Variants in PTPRA observed in about 807,000 individuals in gnomAD.
PTPRA encodes protein tyrosine phosphatase receptor type A.
In PTPRA, 25 loss-of-function variants were observed where a neutral mutation model predicts 104.8. That is an observed-to-expected ratio of 0.24 (90% CI 0.17 to 0.33). PTPRA has a LOEUF of 0.33. Among genes scored for constraint, PTPRA ranks in the 10% least tolerant of loss-of-function variants. The probability of loss-of-function intolerance (pLI) is 1.00; values close to 1 mark genes in which losing one functional copy is unlikely to be tolerated. For synonymous variants in PTPRA, 323 were observed against 368.9 expected (o/e 0.88, Z 1.43); for missense variants, 765 against 1,015.3 (o/e 0.75, Z 3.35).
chr20:3,019,175 CGG>C (rs2064681418), intron 13 of PTPRA, among the ~76,000 whole-genome samples: 2 of 146,446 alleles, frequency 1.4e-5, no homozygotes, highest in African/African-American at 5.2e-5. Context: ...ACCTCCCTCC[CGG>C]ACGGGGCGGC....
intron 6 of PTPRA, among the ~76,000 whole-genome samples, chr20:2,981,533 A>G (rs1223193692): frequency 6.6e-6 from 1 of 152,218 alleles, no homozygotes; most frequent in Non-Finnish European, 1.5e-5. Context: ...ATAACAGAGA[A>G]TTGTATAGCC....
At chr20:2,932,481 A>G (rs1279392027) in intron 2 of PTPRA, among the ~76,000 whole-genome samples, 1 of 152,232 alleles carries the variant, frequency 6.6e-6, no homozygotes, top group Non-Finnish European at 1.5e-5. Context: ...GGAAAAATGG[A>G]AAGTACCAGA....
rs2061312033 is a variant in PTPRA, at chr20:2,950,409, C to T, written c.-7+2385C>T. On this transcript the variant is annotated intron_variant, in intron 3 of 23. Coordinates refer to ENST00000399903, the MANE Select transcript of PTPRA (RefSeq NM_001385305.1). This position sits in a 1 kb window ranked among gnomAD's most constrained non-coding sequence, Gnocchi z 4.0. ...ATCCCAGCACTTTGGGAGGCCGAGGCGGGCGGATCACGAGGTCAAGAGATC... is the reference window on the plus strand; with the variant it reads ...ATCCCAGCACTTTGGGAGGCCGAGGTGGGCGGATCACGAGGTCAAGAGATC... 6.6e-6 allele frequency among the ~76,000 whole-genome samples: 1 copy of T among 151,612 alleles called. No homozygotes were observed. Among genetic ancestry groups the T allele is most frequent in the African/African-American group, 2.4e-5 (1 of 41,240 alleles).
At chr20:2,960,297 C>T (rs1390521042) in intron 3 of PTPRA, among the ~76,000 whole-genome samples, 2 of 150,698 alleles carry the variant, frequency 1.3e-5, no homozygotes, top group African/African-American at 2.4e-5. Context: ...TCCCCCAGGC[C>T]GGAGTGCAGT....
At chr20:3,019,103 G>A (rs1248991916) in intron 13 of PTPRA, among the ~76,000 whole-genome samples, 15 of 142,986 alleles carry the variant, frequency 1.0e-4, no homozygotes, top group East Asian at 2.2e-4. Context: ...AGGGGCGGCC[G>A]GGCAGAGGCG....
chr20:2,887,715 G>A (rs1044880135), intron 1 of PTPRA, among the ~76,000 whole-genome samples: 11 of 152,188 alleles, frequency 7.2e-5, no homozygotes, highest in African/African-American at 2.7e-4. Flanking sequence ...TATTGTAAAT[G>A]CATTGATACT....
At chr20:2,882,643 C>T (rs377514092) in intron 1 of PTPRA, among the ~76,000 whole-genome samples, 8 of 152,080 alleles carry the variant, frequency 5.3e-5, no homozygotes, top group South Asian at 4.1e-4. Context: ...ATAAGGACCA[C>T]TTCTTTTGTG....
chr20:2,990,765 A>G (rs756784325), intron 9 of PTPRA, among the ~76,000 whole-genome samples: 10 of 152,118 alleles, frequency 6.6e-5, no homozygotes, highest in Non-Finnish European at 1.3e-4. Flanking sequence ...CATGTGGGAT[A>G]TGGATGGATA....
intron 1 of PTPRA, among the ~76,000 whole-genome samples, chr20:2,882,983 T>G: frequency 6.7e-6 from 1 of 148,320 alleles, no homozygotes; most frequent in East Asian, 1.9e-4. Flanking sequence ...CACTTTTTTT[T>G]TTTTTTTTTT....
At chr20:2,883,144 C>G (rs2090159440) in intron 1 of PTPRA, among the ~76,000 whole-genome samples, 1 of 151,746 alleles carries the variant, frequency 6.6e-6, no homozygotes, top group Non-Finnish European at 1.5e-5. Context: ...ACCACCATGC[C>G]CAGCTAATTT....
chr20:3,001,130 T>C lies in PTPRA; in HGVS notation c.739-3926T>C, dbSNP rs150656665. ...TGTTTCTAGAGAGTTTAACATTTTA[T>C]AGACTTCTGCTCTAGCTGCTCCTTC... On this transcript the variant is annotated intron_variant, in intron 9 of 23. Transcript: ENST00000399903. 2.0e-5 allele frequency among the ~76,000 whole-genome samples: 3 copies of C among 152,354 alleles called. 1 individual carries two copies. Among genetic ancestry groups the C allele is most frequent in the African/African-American group, 7.2e-5 (3 of 41,588 alleles).
chr20:2,922,869 A>C (rs1453903209), intron 1 of PTPRA, among the ~76,000 whole-genome samples: 1 of 151,304 alleles, frequency 6.6e-6, no homozygotes, highest in East Asian at 1.9e-4. Flanking sequence ...TCCTGACCTC[A>C]AGTGATCCAC....
intron 11 of PTPRA, among the ~76,000 whole-genome samples, chr20:3,008,758 AAC>A (rs1179955109): frequency 6.7e-5 from 9 of 134,692 alleles, no homozygotes; most frequent in African/African-American, 1.1e-4. Flanking sequence ...AAAAAAAAAA[AAC>A]AACTTAGCCG....
At chr20:2,864,515 C>A in the PTPRA span, 1 of 1,614,030 alleles carries the variant, frequency 6.2e-7, no homozygotes, top group East Asian at 2.2e-5. This position sits in a 1 kb window ranked among gnomAD's most constrained non-coding sequence, Gnocchi z 5.2. Flanking sequence ...TTGAGTTGGC[C>A]TTGCTGACTG....
chr20:2,957,329 A>T (rs2061573635), intron 3 of PTPRA, among the ~76,000 whole-genome samples: 1 of 152,182 alleles, frequency 6.6e-6, no homozygotes, highest in Non-Finnish European at 1.5e-5. Flanking sequence ...GATTTCTTTG[A>T]TCATCAGTGA....
chr20:3,033,896 A>G (rs965342526), intron 20 of PTPRA, among the ~76,000 whole-genome samples: 2 of 46,904 alleles, frequency 4.3e-5, no homozygotes, highest in Non-Finnish European at 8.5e-5. Context: ...GTGAAGCTCC[A>G]TCTCAAAAAA....
intron 6 of PTPRA, among the ~76,000 whole-genome samples, chr20:2,980,473 G>A (rs1251459239): frequency 6.6e-6 from 1 of 151,884 alleles, no homozygotes; most frequent in African/African-American, 2.4e-5. Flanking sequence ...AGGATCGCTC[G>A]AACCAGGAGG....
intron 20 of PTPRA, among the ~76,000 whole-genome samples, chr20:3,034,291 C>T (rs1445169755): frequency 6.6e-6 from 1 of 152,048 alleles, no homozygotes; most frequent in Non-Finnish European, 1.5e-5. Flanking sequence ...AAAAATGAGA[C>T]TCTTAGTGTT....
At chr20:2,959,965 A>G (rs537407165) in intron 3 of PTPRA, among the ~76,000 whole-genome samples, 33 of 152,226 alleles carry the variant, frequency 2.2e-4, no homozygotes, top group Admixed American at 1.8e-3. Context: ...AAAGAAAGAA[A>G]GAAAATATAG....
Sources: allele counts gnomAD v4.1 joint callset (sites outside exome capture counted in the v4.1 genomes callset), GRCh38; gene constraint gnomAD v4.1.1; non-coding constraint Gnocchi (gnomAD v3.1); transcripts MANE v1.5; gene names NCBI Gene and HGNC (gene_info 2026-07-23, HGNC 2026-07-21).